YAP1: variants seen among roughly 807,000 people sequenced by gnomAD.
YAP1 encodes the protein transcriptional coactivator YAP1.
In YAP1, 5 loss-of-function variants were observed where a neutral mutation model predicts 56.9. The ratio of observed to expected loss-of-function variants is 0.09; its 90% CI spans 0.05 to 0.18. The LOEUF is 0.18. YAP1 is among the 10% of genes least tolerant of loss of function. YAP1 has a pLI of 1.00. For synonymous variants in YAP1, 265 were observed against 248.1 expected (o/e 1.07, Z -0.64); for missense variants, 539 against 651.8 (o/e 0.83, Z 1.88).
intron 3 of YAP1, among the ~76,000 whole-genome samples, chr11:102,171,492 A>G (rs1411498091): frequency 6.6e-6 from 1 of 152,238 alleles, no homozygotes; most frequent in African/African-American, 2.4e-5. Flanking sequence ...AATGAAAGGT[A>G]TTAATTTGAG....
intron 4 of YAP1, among the ~76,000 whole-genome samples, chr11:102,196,821 A>G (rs1266965576): frequency 6.6e-6 from 1 of 152,132 alleles, no homozygotes; most frequent in Non-Finnish European, 1.5e-5. Flanking sequence ...CCTTTTGTAT[A>G]TTGATCATAA....
chr11:102,145,128 C>T (rs898373494), intron 2 of YAP1, among the ~76,000 whole-genome samples: 10 of 152,002 alleles, frequency 6.6e-5, no homozygotes, highest in Admixed American at 3.3e-4. Context: ...AGTTGTAAAC[C>T]GGAGTTCATA....
chr11:102,220,345 C>G (rs1001709011), intron 6 of YAP1, among the ~76,000 whole-genome samples: 1 of 152,072 alleles, frequency 6.6e-6, no homozygotes. Context: ...ATAAGTGGTA[C>G]TAGGGTCCAT....
intron 3 of YAP1, among the ~76,000 whole-genome samples, chr11:102,168,873 T>C (rs1010358925): frequency 7.2e-5 from 11 of 152,198 alleles, no homozygotes; most frequent in African/African-American, 2.2e-4. Flanking sequence ...AATTACACAT[T>C]GATTTAGGTT....
At chr11:102,158,522 G>A (rs1368221440) in intron 2 of YAP1, among the ~76,000 whole-genome samples, 1 of 152,200 alleles carries the variant, frequency 6.6e-6, no homozygotes, top group East Asian at 1.9e-4. Context: ...AGTTTCTGCA[G>A]TTTTAACTAG....
chr11:102,142,808 GA>G (rs1373541089), intron 2 of YAP1, among the ~76,000 whole-genome samples: 1 of 152,118 alleles, frequency 6.6e-6, no homozygotes, highest in Admixed American at 6.5e-5. Flanking sequence ...TAATTTCAAA[GA>G]ACCGTTTGTG....
chr11:102,167,750 T>G (rs1591298796), intron 3 of YAP1, among the ~76,000 whole-genome samples: 1 of 152,014 alleles, frequency 6.6e-6, no homozygotes, highest in African/African-American at 2.4e-5. Context: ...AAGTCATAAT[T>G]TATAAGGCTG....
intron 3 of YAP1, among the ~76,000 whole-genome samples, chr11:102,166,181 A>G (rs1307125611): frequency 6.6e-6 from 1 of 152,238 alleles, no homozygotes; most frequent in African/African-American, 2.4e-5. Context: ...GAATTCCCAG[A>G]ATCAGACAAG....
intron 3 of YAP1, among the ~76,000 whole-genome samples, chr11:102,171,714 C>T (rs1946910062): frequency 6.6e-6 from 1 of 152,184 alleles, no homozygotes. Flanking sequence ...AAAGTTCTTA[C>T]AGCTATAACC....
At chr11:102,191,095 C>A (rs1223073165) in intron 4 of YAP1, among the ~76,000 whole-genome samples, 3 of 151,842 alleles carry the variant, frequency 2.0e-5, no homozygotes, top group Admixed American at 2.0e-4. Flanking sequence ...ATCGCTTGAA[C>A]CTGGGAGGCA....
Position 102,161,060 on chromosome 11 carries a change from T to C in YAP1, c.573-1396T>C, listed in dbSNP as rs1285643475. Reference sequence around the variant, plus strand: ...GTCACCAATAATTTCTTTCTTTTTTTTTTTTTTTTTTTTTTTTTGAGATGG... The same window carrying C: ...GTCACCAATAATTTCTTTCTTTTTTCTTTTTTTTTTTTTTTTTTGAGATGG... On this transcript the variant is annotated intron_variant, in intron 2 of 8. Coordinates refer to ENST00000282441, the MANE Select transcript of YAP1 (RefSeq NM_001130145.3). Among the ~76,000 whole-genome samples, 10 of 131,134 alleles carry C rather than the reference T, an allele frequency of 7.6e-5. No homozygotes were observed. In the East Asian group the frequency reaches 2.1e-3, roughly 28 times the overall value. The allele number at this position is 131,134 out of a possible 152,430, so 86.0% of individuals were successfully genotyped here. A position where few individuals can be genotyped will look rare whatever the true frequency, so the allele number is the denominator to read the frequency against.
At chr11:102,135,629 C>G (rs558785525) in intron 2 of YAP1, among the ~76,000 whole-genome samples, 16 of 152,306 alleles carry the variant, frequency 1.1e-4, no homozygotes, top group African/African-American at 3.8e-4. Flanking sequence ...CAAGCTTCTT[C>G]AAATCTAACC....
At position 102,112,787 on chromosome 11, in the gene YAP1, T is replaced by C. The variant is rs889547239; in HGVS notation, c.322-1357T>C. On this transcript the variant is annotated intron_variant, in intron 1 of 8. Coordinates refer to ENST00000282441, the MANE Select transcript of YAP1 (RefSeq NM_001130145.3). ...TACCCCTCGAAGTGGGTTTATGGAC[T>C]CATTGTGGGTAAATGTATGTTGGCA... 1.0e-5 allele frequency: 10 copies of C among 984,916 alleles called. No individual in the cohort carries two copies. The African/African-American group carries it at 1.7e-4, about 17-fold the overall frequency. The allele number at this position is 984,916 out of a possible 1,614,324, so 61.0% of individuals were successfully genotyped here. A position where few individuals can be genotyped will look rare whatever the true frequency, so the allele number is the denominator to read the frequency against.
chr11:102,182,082 G>A (rs1202534924), intron 3 of YAP1, among the ~76,000 whole-genome samples: 1 of 152,150 alleles, frequency 6.6e-6, no homozygotes, highest in Non-Finnish European at 1.5e-5. Flanking sequence ...GCCTCCCAAA[G>A]TGCTGGGATT....
intron 3 of YAP1, among the ~76,000 whole-genome samples, chr11:102,182,360 G>T (rs1041898204): frequency 1.1e-4 from 17 of 152,086 alleles, no homozygotes; most frequent in Non-Finnish European, 2.4e-4. Context: ...TTATTTTTGT[G>T]GTAATCCTAC....
Position 102,183,702 on chromosome 11 carries a change from C to CTGTGTGTGTGTGTGTGTGTGTG in YAP1, c.689-2300_689-2279dup, listed in dbSNP as rs140546191. 2.2e-3 allele frequency among the ~76,000 whole-genome samples: 307 copies of CTGTGTGTGTGTGTGTGTGTGTG among 141,790 alleles called. 3 individuals carry two copies. The highest frequency in any genetic ancestry group is 4.6e-3 in the African/African-American group (174 of 37,690). 93.0% of individuals were successfully genotyped at this position (141,790 alleles called of 152,430 possible). A position where few individuals can be genotyped will look rare whatever the true frequency, so the allele number is the denominator to read the frequency against. ...GCTAAGGTGGGGAATAATGCTGTTT[C>CTGTGTGTGTGTGTGTGTGTGTG]TGTGTGTGTGTGTGTGTGTGTGTGT... On this transcript the variant is annotated intron_variant, in intron 3 of 8. Coordinates refer to ENST00000282441, the MANE Select transcript of YAP1 (RefSeq NM_001130145.3).
intron 2 of YAP1, among the ~76,000 whole-genome samples, chr11:102,135,503 TACC>T (rs1944625794): frequency 6.6e-6 from 1 of 152,200 alleles, no homozygotes; most frequent in African/African-American, 2.4e-5. Flanking sequence ...TGGAACTGTG[TACC>T]AGAGTGTGTG....
chr11:102,199,587 A>G (rs1948745324), intron 4 of YAP1, among the ~76,000 whole-genome samples: 1 of 152,224 alleles, frequency 6.6e-6, no homozygotes, highest in Admixed American at 6.5e-5. Flanking sequence ...CTGGAGCAGT[A>G]TGTCATGTTT....
intron 2 of YAP1, among the ~76,000 whole-genome samples, chr11:102,139,159 G>A (rs1327623184): frequency 1.3e-5 from 2 of 150,876 alleles, no homozygotes; most frequent in Non-Finnish European, 2.9e-5. Flanking sequence ...ATCAGATTTC[G>A]GCACTGTGAT....
Sources: gnomAD v4.1 joint callset for allele counts (sites outside exome capture counted in the v4.1 genomes callset) on GRCh38, gnomAD v4.1.1 for gene constraint, MANE v1.5 for transcripts, NCBI Gene and HGNC (gene_info 2026-07-23, HGNC 2026-07-21) for gene names.